The following MCM3AP variants were observed in gnomAD, a reference collection of about 807,000 sequenced individuals.
The protein encoded by MCM3AP is minichromosome maintenance complex component 3 associated protein, also known as germinal-center associated nuclear protein.
MCM3AP carries 126 observed loss-of-function variants against 184.1 expected under a neutral mutation model. That is an observed-to-expected ratio of 0.68 (90% CI 0.59 to 0.79). The LOEUF (loss-of-function observed/expected upper bound fraction) is 0.79, where lower values mean the gene tolerates loss of function less well. Ranked by LOEUF, MCM3AP falls within the 30% of genes least tolerant of loss-of-function variation. The probability of loss-of-function intolerance (pLI) is 0.00; values close to 1 mark genes in which losing one functional copy is unlikely to be tolerated. For synonymous variants in MCM3AP, 1,002 were observed against 979.3 expected (o/e 1.02, Z -0.43); for missense variants, 2,496 against 2,479.2 (o/e 1.01, Z -0.14).
rs986186032 is a variant in MCM3AP at position 46,256,607 on chromosome 21, C to T, written c.3932+182G>A. 3.0e-5 allele frequency: 21 copies of T among 691,222 alleles called. No homozygotes were observed. In the African/African-American group the frequency reaches 3.2e-4, roughly 11 times the overall value. The allele number at this position is 691,222 out of a possible 1,614,324, so 42.8% of individuals were successfully genotyped here. A position where few individuals can be genotyped will look rare whatever the true frequency, so the allele number is the denominator to read the frequency against. ...GCCAGTGGAACAAGTCACATGTCCA[C>T]AACTGTGGGAGACAACCTTCAAAAT... On this transcript the variant is annotated intron_variant, in intron 17 of 27. Transcript: ENST00000291688.
Position 46,246,805 on chromosome 21 carries a change from G to A in MCM3AP, c.4372C>T (p.Leu1458=), listed in dbSNP as rs749053785. 1 of 1,614,226 alleles carries A rather than the reference G, an allele frequency of 6.2e-7. No homozygotes were observed. Among genetic ancestry groups the A allele is most frequent in the South Asian group, 1.1e-5 (1 of 91,082 alleles). ...CTCTTCATTTTGGGGGGAAGCAGCAGCATGAGCCCACTGGCTCCCAGGAGG... is the reference window on the plus strand; with the variant it reads ...CTCTTCATTTTGGGGGGAAGCAGCAACATGAGCCCACTGGCTCCCAGGAGG... ...KDLLGASGLM[L]LLPPKMKSED... Residue 1458 remains leucine (L), a synonymous_variant, in exon 21 of 28, where the codon CTG becomes TTG. Coordinates refer to ENST00000291688, the MANE Select transcript of MCM3AP (RefSeq NM_003906.5).
At chr21:46,254,966 A>C (rs555723924) in intron 17 of MCM3AP, 122 bp from the exon 18 acceptor site, 2 of 729,906 alleles carry the variant, frequency 2.7e-6, no homozygotes, top group Admixed American at 2.0e-5. Context: ...AACGGGTTAG[A>C]GGATTCCTTC....
intron 24 of MCM3AP, 76 bp from the exon 25 acceptor site, chr21:46,243,007 A>AAC: frequency 7.5e-7 from 1 of 1,328,144 alleles, no homozygotes; most frequent in Non-Finnish European, 1.0e-6. Flanking sequence ...AAACACACAC[A>AAC]AAAAAACAAA....
Position 46,283,754 on chromosome 21 carries a change from G to GT in MCM3AP, c.1303dup (p.Thr435AsnfsTer10). ...AGGGATGTTCTTGCACTGGATGGCT[G>GT]TGACTTCAGAGGGAGACAAGCCCCC... On this transcript the variant is annotated frameshift_variant, in exon 2 of 28. Transcript: ENST00000291688. LOFTEE classifies it high-confidence loss of function. 3 of 1,614,120 alleles carry GT rather than the reference G, an allele frequency of 1.9e-6. No individual in the cohort carries two copies. Among genetic ancestry groups the GT allele is most frequent in the Non-Finnish European group, 2.5e-6 (3 of 1,179,960 alleles).
chr21:46,269,989 G>A (rs2081159977), intron 9 of MCM3AP, among the ~76,000 whole-genome samples: 1 of 152,184 alleles, frequency 6.6e-6, no homozygotes, highest in Admixed American at 6.5e-5. Context: ...CAGACACTGA[G>A]GCACCCACTG....
In MCM3AP at chr21:46,244,917, C is replaced by G. The variant is rs1461006457; in HGVS notation, c.4928G>C (p.Gly1643Ala). The G allele has an allele frequency of 6.2e-7, 1 of 1,614,162 alleles. No individual in the cohort carries two copies. The highest frequency in any genetic ancestry group is 1.7e-5 in the Admixed American group (1 of 60,028). ...WPVTEFAEAG[G>A]SRLLPHLHWN... ...GTGCAGGTGAGGAAGCAGCCGGCTG[C>G]CCCCTGCCTCAGCAAACTCAGTGAC... The change falls in exon 23 of 28, where the codon GGC becomes GCC. Residue 1643 changes from glycine to alanine, a missense_variant. Gly to Ala is a moderately conservative substitution (Grantham distance 60, BLOSUM62 0). Coordinates refer to ENST00000291688, the MANE Select transcript of MCM3AP (RefSeq NM_003906.5).
intron 8 of MCM3AP, among the ~76,000 whole-genome samples, 159 bp from the exon 9 acceptor site, chr21:46,270,722 T>G (rs182546821): frequency 6.7e-4 from 102 of 152,272 alleles, no homozygotes; most frequent in South Asian, 3.3e-3. Context: ...GAGGATCGTT[T>G]GAGCCCAGGA....
chr21:46,259,904 C>CAAAA (rs58993039), intron 15 of MCM3AP, among the ~76,000 whole-genome samples: 1 of 80,264 alleles, frequency 1.2e-5, no homozygotes, highest in African/African-American at 5.2e-5. Context: ...AACTCCATTT[C>CAAAA]AAAAAAAAAA....
At position 46,246,868 on chromosome 21, in the gene MCM3AP, T is replaced by C. The variant is rs144345773; in HGVS notation, c.4309A>G (p.Ser1437Gly). 1 of 1,613,960 alleles carries C rather than the reference T, an allele frequency of 6.2e-7. No homozygotes were observed. Among genetic ancestry groups the C allele is most frequent in the Non-Finnish European group, 8.5e-7 (1 of 1,179,818 alleles). The change falls in exon 21 of 28, where the codon AGT becomes GGT. Residue 1437 changes from serine to glycine, a missense_variant. Around this residue, in one of 5 missense-constraint regions of MCM3AP, gnomAD observed 1,323 missense variants for 1,273.4 expected, o/e 1.04. Coordinates refer to ENST00000291688, the MANE Select transcript of MCM3AP (RefSeq NM_003906.5). ...VCIKVAHGALSDGAIDAVETQ... is the reference protein window; with the variant it reads ...VCIKVAHGALGDGAIDAVETQ... ...TCCACAGCATCAATGGCACCATCAC[T>C]GAGGGCGCCATGGGCCACCTGCAAC...
chr21:46,285,479 GAT>G lies in MCM3AP; in HGVS notation c.-195_-194del, dbSNP rs1405671712. 1 of 578,442 alleles carries G rather than the reference GAT, an allele frequency of 1.7e-6. No individual in the cohort carries two copies. The highest frequency in any genetic ancestry group is 3.0e-6 in the Non-Finnish European group (1 of 327,958). The allele number at this position is 578,442 out of a possible 1,614,324, so 35.8% of individuals were successfully genotyped here. A position where few individuals can be genotyped will look rare whatever the true frequency, so the allele number is the denominator to read the frequency against. Reference sequence around the variant, plus strand: ...TTTTTGAACACTGTCATACTAAAAGGATAACTATTTCAAAGGCAGGCAAAGGG... The same window carrying G: ...TTTTTGAACACTGTCATACTAAAAGGAACTATTTCAAAGGCAGGCAAAGGG... On this transcript the variant is annotated 5_prime_UTR_variant, in exon 1 of 28. Transcript: ENST00000291688.
intron 24 of MCM3AP, 105 bp downstream of exon 24, chr21:46,243,360 G>T: frequency 7.5e-7 from 1 of 1,326,866 alleles, no homozygotes; most frequent in Non-Finnish European, 1.0e-6. Context: ...GAAGGATAGA[G>T]ACCCAAAAGA....
Position 46,275,062 on chromosome 21 carries a change from A to G in MCM3AP, c.1998+124T>C, listed in dbSNP as rs535947450. The G allele has an allele frequency of 3.6e-4, 397 of 1,096,460 alleles. 1 individual carries two copies. Among genetic ancestry groups the G allele is most frequent in the Non-Finnish European group, 4.6e-4 (372 of 809,944 alleles). The allele number at this position is 1,096,460 out of a possible 1,614,324, so 67.9% of individuals were successfully genotyped here. A position where few individuals can be genotyped will look rare whatever the true frequency, so the allele number is the denominator to read the frequency against. On this transcript the variant is annotated intron_variant, in intron 6 of 27. Transcript: ENST00000291688. The stretch of plus-strand genomic sequence containing the variant: ...ATCTCACAATGCAAAACAGCTTAAT[A>G]TGATTGTTAATAGCACAAATACCCA...
In MCM3AP at chr21:46,235,389, G is replaced by A. The variant is rs17183403; in HGVS notation, c.5822C>T (p.Ala1941Val). The A allele has an allele frequency of 9.9e-6, 16 of 1,613,902 alleles. No individual in the cohort carries two copies. Among genetic ancestry groups the A allele is most frequent in the Middle Eastern group, 3.3e-4 (2 of 6,062 alleles). Reference sequence around the variant, plus strand: ...TCGTTCGCCTAGACACGTTCCTGTCGCCTCTGACAGCTGCAGTTGCTCCCT... The same window carrying A: ...TCGTTCGCCTAGACACGTTCCTGTCACCTCTGACAGCTGCAGTTGCTCCCT... ...MMREQLQLSE[A>V]TGTCLGERLK... Residue 1941 changes from alanine (A) to valine (V), a missense_variant, in exon 28 of 28, where the codon GCG becomes GTG. Coordinates refer to ENST00000291688, the MANE Select transcript of MCM3AP (RefSeq NM_003906.5).
At position 46,280,549 on chromosome 21, in the gene MCM3AP, C is replaced by T; in HGVS notation, c.1470G>A (p.Lys490=). 1 of 1,612,916 alleles carries T rather than the reference C, an allele frequency of 6.2e-7. No individual in the cohort carries two copies. Among genetic ancestry groups the T allele is most frequent in the Non-Finnish European group, 8.5e-7 (1 of 1,179,174 alleles). The change falls in exon 3 of 28, where the codon AAG becomes AAA. Residue 490 remains lysine, a synonymous_variant. Transcript: ENST00000291688. The part of the protein sequence containing the change: ...DHASAALARK[K]GKSLHKDMAI... ...CCATGTCTTTATGCAAACTTTTCCC[C>T]TTCTTTCTAGCCAGGGCTGCAGATG...
Position 46,246,314 on chromosome 21 carries a change from G to A in MCM3AP, c.4640C>T (p.Ser1547Leu), listed in dbSNP as rs1408412665. 6.2e-7 allele frequency: 1 copy of A among 1,600,764 alleles called. No individual in the cohort carries two copies. The highest frequency in any genetic ancestry group is 1.1e-5 in the South Asian group (1 of 90,822). Residue 1547 changes from serine to leucine, a missense_variant, in exon 22 of 28, where the codon TCA becomes TTA. Physicochemically the swap from Ser to Leu is moderately radical, Grantham distance 145. Transcript: ENST00000291688. The stretch of plus-strand genomic sequence containing the variant: ...AAAATGATGAAACCTTACCTTAGTT[G>A]AACCTTGTAGATCATTAATGGTATC... Reference protein sequence around the residue: ...IPDTINDLQGSTKVLQAVQWL... With the variant: ...IPDTINDLQGLTKVLQAVQWL...
chr21:46,271,584 G>A (rs1023539512), intron 8 of MCM3AP, among the ~76,000 whole-genome samples: 1 of 151,972 alleles, frequency 6.6e-6, no homozygotes, highest in Non-Finnish European at 1.5e-5. Context: ...AATCAGCCGG[G>A]CATGGAGACT....
chr21:46,241,320 G>T, intron 25 of MCM3AP: 2 of 288,524 alleles, frequency 6.9e-6, no homozygotes, highest in East Asian at 7.3e-5. Context: ...GGTTTTTGGA[G>T]CTTCTCTGCT....
Position 46,256,928 on chromosome 21 carries a change from C to T in MCM3AP, c.3793G>A (p.Ala1265Thr). ...CTCACGTCCACGCAGCAGGGCGCAG[C>T]AGGGAAAGCCCGCATTTGGCGCCTC... ...KLRRQMRAFP[A>T]APCCVDVSDR... The change falls in exon 17 of 28, where the codon GCT becomes ACT. Residue 1265 changes from alanine (A) to threonine (T), a missense_variant. Around this residue, in one of 5 missense-constraint regions of MCM3AP, gnomAD observed 1,323 missense variants for 1,273.4 expected, o/e 1.04. Coordinates refer to ENST00000291688, the MANE Select transcript of MCM3AP (RefSeq NM_003906.5). 6.2e-7 allele frequency: 1 copy of T among 1,612,124 alleles called. No homozygotes were observed. Among genetic ancestry groups the T allele is most frequent in the Non-Finnish European group, 8.5e-7 (1 of 1,179,250 alleles).
chr21:46,243,454 G>C lies in MCM3AP; in HGVS notation c.5296+11C>G. On this transcript the variant is annotated intron_variant, in intron 24 of 27. Transcript: ENST00000291688. ...TGAGGAGCTGATCCCATTGCATCAA[G>C]CTCTAATTACCTGATGTAACAGGAA... 6.3e-7 allele frequency: 1 copy of C among 1,593,634 alleles called. No individual in the cohort carries two copies.
Sources: gnomAD v4.1 joint callset for allele counts (sites outside exome capture counted in the v4.1 genomes callset) on GRCh38, gnomAD v4.1.1 for gene constraint, gnomAD v4.1.1 regional missense constraint, MANE v1.5 for transcripts, NCBI Gene and HGNC (gene_info 2026-07-23, HGNC 2026-07-21) for gene names.